Variants in CDC45 observed in about 807,000 individuals in gnomAD.
CDC45 encodes the protein cell division cycle 45.
Under a neutral mutation model 77.8 loss-of-function variants are expected in CDC45, and 54 were observed. The ratio of observed to expected loss-of-function variants is 0.69; its 90% confidence interval spans 0.56 to 0.87. The LOEUF (loss-of-function observed/expected upper bound fraction) is 0.87, where lower values mean the gene tolerates loss of function less well. CDC45 is among the 40% of genes least tolerant of loss of function. The pLI, the probability that CDC45 is intolerant of heterozygous loss-of-function variation, is 0.00. For synonymous variants in CDC45, 260 were observed against 272.1 expected, an observed-to-expected ratio of 0.96 and a Z score of 0.44; for missense variants, 649 against 721.6, an observed-to-expected ratio of 0.90 and a Z score of 1.15.
Position 19,505,420 on chromosome 22 carries a change from C to T in CDC45, c.763C>T (p.Arg255Trp), listed in dbSNP as rs1324368416. 16 of 1,613,928 alleles carry T rather than the reference C, an allele frequency of 9.9e-6. No homozygotes were observed. The highest frequency in any genetic ancestry group is 1.6e-4 in the Middle Eastern group (1 of 6,084). The change falls in exon 10 of 19, where the codon CGG (arginine) becomes TGG (tryptophan). Residue 255 changes from arginine to tryptophan, a missense_variant. Arg to Trp is a moderately radical substitution (Grantham distance 101). Transcript: ENST00000263201. ...GCGCCACGTTTCCCGCCACAACCAC[C>T]GGAACGAGGATGAGGAGAACACACT... ...LQRHVSRHNH[R>W]NEDEENTLSV... is the part of the protein sequence containing the mutation.
At position 19,508,513 on chromosome 22, in the gene CDC45, G is replaced by A. The variant is rs1393695238; in HGVS notation, c.1056-17G>A. ...CCCACAATTTGAGGGTGACAGCTGT[G>A]TTTGCTCCCATGACAGGATGAAGGA... On this transcript the variant is annotated splice_polypyrimidine_tract_variant and intron_variant, in intron 12 of 18. Transcript: ENST00000263201. 2.5e-6 allele frequency: 4 copies of A among 1,614,136 alleles called. No homozygotes were observed. In the Admixed American group the frequency reaches 6.7e-5, roughly 27 times the overall value.
chr22:19,481,534 A>G (rs1348409800), intron 3 of CDC45, among the ~76,000 whole-genome samples: 1 of 151,562 alleles, frequency 6.6e-6, no homozygotes, highest in Non-Finnish European at 1.5e-5. Context: ...ACCCGCCACC[A>G]CACCTGGCTA....
At chr22:19,506,946 C>T (rs989909994) in intron 10 of CDC45, among the ~76,000 whole-genome samples, 1 of 148,920 alleles carries the variant, frequency 6.7e-6, no homozygotes, top group African/African-American at 2.5e-5. Context: ...AAAAAAAAAA[C>T]GAAAAAAGGG....
chr22:19,500,211 C>T lies in CDC45; in HGVS notation c.704+1060C>T, dbSNP rs146810420. Among the ~76,000 whole-genome samples the T allele has an allele frequency of 4.4e-3, 677 of 152,340 alleles. 5 individuals carry two copies. The highest frequency in any genetic ancestry group is 4.8e-3 in the Non-Finnish European group (328 of 68,032). ...AGCAGTCTCTCAGGTGAGGCCCCCA[C>T]GGTCACTGTCCTGGTTGGTGGCCCT... On this transcript the variant is annotated intron_variant, in intron 9 of 18. Transcript: ENST00000263201.
intron 9 of CDC45, among the ~76,000 whole-genome samples, chr22:19,500,083 G>A (rs2090313931): frequency 6.6e-6 from 1 of 152,242 alleles, no homozygotes; most frequent in Non-Finnish European, 1.5e-5. Flanking sequence ...GTTGGGCCCT[G>A]AGTCCCTTCG....
chr22:19,511,688 T>C (rs1220704653), intron 13 of CDC45, among the ~76,000 whole-genome samples: 10 of 152,144 alleles, frequency 6.6e-5, no homozygotes, highest in African/African-American at 2.4e-4. Flanking sequence ...TTGCAAGTAT[T>C]TTCTCCCATT....
chr22:19,493,227 GTTT>G (rs368497589), intron 5 of CDC45, among the ~76,000 whole-genome samples: 1 of 136,316 alleles, frequency 7.3e-6, no homozygotes, highest in African/African-American at 2.6e-5. Context: ...GCTTTTGTGG[GTTT>G]TTTTTTTTGT....
rs13447293 is a variant in CDC45, at chr22:19,519,523, G to C, written c.*1+614G>C. On this transcript the variant is annotated intron_variant, in intron 18 of 18. Transcript: ENST00000263201. ...GGTTCCCAGGAAATAGGCCTGCCTT[G>C]TGTCTTTGTAACCATCTCTCAGCCC... is the stretch of plus-strand genomic sequence containing the variant. Among the ~76,000 whole-genome samples, 184 of 152,356 alleles carry C rather than the reference G, an allele frequency of 1.2e-3. 2 individuals carry two copies. In the East Asian group the frequency reaches 0.031, roughly 26 times the overall value.
intron 4 of CDC45, among the ~76,000 whole-genome samples, chr22:19,483,571 G>A (rs368676371): frequency 9.2e-5 from 14 of 152,332 alleles, no homozygotes; most frequent in East Asian, 5.8e-4. Context: ...GGTGTATGAC[G>A]TAAGAGGATG....
intron 13 of CDC45, among the ~76,000 whole-genome samples, chr22:19,511,922 T>C (rs964344289): frequency 6.7e-6 from 1 of 149,156 alleles, no homozygotes; most frequent in Non-Finnish European, 1.5e-5. Context: ...CTGGAGGTTT[T>C]TTTTTTTTTT....
At chr22:19,495,926 T>C in intron 6 of CDC45, 55 bp from the exon 7 acceptor site, 1 of 1,206,236 alleles carries the variant, frequency 8.3e-7, no homozygotes, top group Non-Finnish European at 1.2e-6. Flanking sequence ...TCCAAAATAT[T>C]TGGCTTCCTG....
chr22:19,516,267 C>T (rs1022425525), intron 15 of CDC45, among the ~76,000 whole-genome samples: 2 of 151,972 alleles, frequency 1.3e-5, no homozygotes, highest in Non-Finnish European at 2.9e-5. Flanking sequence ...CAAGGAGGCT[C>T]GGGGACACAG....
rs550532152 is a variant in CDC45, at chr22:19,482,880, A to G, written c.342+53A>G. On this transcript the variant is annotated intron_variant, in intron 4 of 18. Coordinates refer to ENST00000263201, the MANE Select transcript of CDC45 (RefSeq NM_003504.5). ...GTCTGTACTTTTTATGCCATGTACA[A>G]TGTCTCACCTGGTGTTCTTGGTAAG... is the stretch of plus-strand genomic sequence containing the variant. 4 of 1,545,512 alleles carry G rather than the reference A, an allele frequency of 2.6e-6. No homozygotes were observed. The East Asian group carries it at 6.8e-5, about 26-fold the overall frequency.
intron 4 of CDC45, 109 bp from the exon 5 acceptor site, chr22:19,483,753 A>G: frequency 9.2e-7 from 1 of 1,089,762 alleles, no homozygotes; most frequent in Non-Finnish European, 1.3e-6. Flanking sequence ...TTGTATGAAC[A>G]GGAAACTGAG....
At position 19,505,678 on chromosome 22, in the gene CDC45, G is replaced by A. The variant is rs5746757; in HGVS notation, c.824+197G>A. ...TTTGGCTTCTAAATGCCAGAGCTGAGTTTGGAAGTATCACCCTTCTCCAGC... is the reference window on the plus strand; with the variant it reads ...TTTGGCTTCTAAATGCCAGAGCTGAATTTGGAAGTATCACCCTTCTCCAGC... On this transcript the variant is annotated intron_variant, in intron 10 of 18. Coordinates refer to ENST00000263201, the MANE Select transcript of CDC45 (RefSeq NM_003504.5). Among the ~76,000 whole-genome samples the A allele has an allele frequency of 0.039, 5,930 of 152,296 alleles. 180 individuals carry two copies. The highest frequency in any genetic ancestry group is 0.13 in the East Asian group (649 of 5,186).
At chr22:19,519,618 T>G (rs1273697805) in intron 18 of CDC45, among the ~76,000 whole-genome samples, 1 of 151,720 alleles carries the variant, frequency 6.6e-6, no homozygotes, top group Non-Finnish European at 1.5e-5. Context: ...GCTGCGGCTG[T>G]GGCAGATGGG....
intron 5 of CDC45, among the ~76,000 whole-genome samples, chr22:19,486,682 G>A (rs2090072602): frequency 6.6e-6 from 1 of 151,970 alleles, no homozygotes; most frequent in African/African-American, 2.4e-5. Flanking sequence ...GTATATTAGA[G>A]GTATATATAT....
At chr22:19,494,756 C>T (rs555866595) in intron 6 of CDC45, among the ~76,000 whole-genome samples, 1 of 152,170 alleles carries the variant, frequency 6.6e-6, no homozygotes, top group African/African-American at 2.4e-5. Flanking sequence ...CATGCAGCAG[C>T]GCCCTTGAGG....
intron 6 of CDC45, among the ~76,000 whole-genome samples, chr22:19,495,652 T>C (rs1006018031): frequency 6.6e-6 from 1 of 152,218 alleles, no homozygotes; most frequent in East Asian, 1.9e-4. Context: ...ACTTTGTCTC[T>C]ATTAAAAAAT....
Sources: allele counts gnomAD v4.1 joint callset (sites outside exome capture counted in the v4.1 genomes callset), GRCh38; gene constraint gnomAD v4.1.1; transcripts MANE v1.5; gene names NCBI Gene and HGNC (gene_info 2026-07-23, HGNC 2026-07-21).